The following ST6GAL1 variants were observed in gnomAD, a reference collection of about 807,000 sequenced individuals.
The protein encoded by ST6GAL1 is ST6 beta-galactoside alpha-2,6-sialyltransferase 1, also known as beta-galactoside alpha-2,6-sialyltransferase 1.
In ST6GAL1, 20 loss-of-function variants were observed where a neutral mutation model predicts 38.0. That is an observed-to-expected ratio of 0.53 (90% CI 0.37 to 0.77). The LOEUF (loss-of-function observed/expected upper bound fraction) is 0.77, where lower values mean the gene tolerates loss of function less well. ST6GAL1 is among the 30% of genes least tolerant of loss of function. The probability of loss-of-function intolerance (pLI) is 0.00; values close to 1 mark genes in which losing one functional copy is unlikely to be tolerated. For synonymous variants in ST6GAL1, 196 were observed against 188.2 expected, an observed-to-expected ratio of 1.04 and a Z score of -0.34; for missense variants, 432 against 496.4, an observed-to-expected ratio of 0.87 and a Z score of 1.23.
intron 2 of ST6GAL1, among the ~76,000 whole-genome samples, chr3:186,999,018 C>T (rs1236360018): frequency 6.6e-6 from 1 of 152,262 alleles, no homozygotes; most frequent in Admixed American, 6.5e-5. Context: ...CCCTCCTCTT[C>T]CCACTGTGGC....
Position 187,070,782 on chromosome 3 carries a change from G to A in ST6GAL1, c.706-2067G>A, listed in dbSNP as rs974290319. On this transcript the variant is annotated intron_variant, in intron 5 of 7. Coordinates refer to ENST00000169298, the MANE Select transcript of ST6GAL1 (RefSeq NM_173216.2). Reference sequence around the variant, plus strand: ...ACCTCTGTTGTTGCACCATCACAGCGTGTTAACCATTGTTCAATTGTCCAC... The same window carrying A: ...ACCTCTGTTGTTGCACCATCACAGCATGTTAACCATTGTTCAATTGTCCAC... Among the ~76,000 whole-genome samples, 4 of 152,070 alleles carry A rather than the reference G, an allele frequency of 2.6e-5. No homozygotes were observed. The East Asian group carries it at 5.8e-4, about 22-fold the overall frequency.
chr3:187,053,040 G>C (rs967179700), intron 5 of ST6GAL1, among the ~76,000 whole-genome samples: 3 of 152,298 alleles, frequency 2.0e-5, no homozygotes, highest in Non-Finnish European at 4.4e-5. Context: ...GCATTTCTCT[G>C]ATGACCAGTG....
chr3:187,019,390 T>C (rs1717220068), intron 2 of ST6GAL1, among the ~76,000 whole-genome samples: 1 of 152,214 alleles, frequency 6.6e-6, no homozygotes. Context: ...GCAAATAAAC[T>C]CACGTCTTAA....
intron 2 of ST6GAL1, among the ~76,000 whole-genome samples, chr3:187,018,663 G>A (rs1021307593): frequency 6.6e-6 from 1 of 152,150 alleles, no homozygotes; most frequent in Non-Finnish European, 1.5e-5. Context: ...CAGATTAAGG[G>A]TGGGTCTGCC....
intron 2 of ST6GAL1, among the ~76,000 whole-genome samples, chr3:186,998,732 A>T (rs1220876221): frequency 6.6e-6 from 1 of 152,216 alleles, no homozygotes; most frequent in Non-Finnish European, 1.5e-5. Context: ...ATTACGAATC[A>T]TACTTTCTAC....
In ST6GAL1 at chr3:186,939,927, G is replaced by T. The variant is rs181471076; in HGVS notation, c.-325+9093G>T. Among the ~76,000 whole-genome samples, 8 of 152,338 alleles carry T rather than the reference G, an allele frequency of 5.3e-5. No individual in the cohort carries two copies. The East Asian group carries it at 1.5e-3, about 29-fold the overall frequency. ...CTCTCTCACACCCCATCTATGGGAA[G>T]ACAGGGTCCCTTTTCTACCTCTGAC... On this transcript the variant is annotated intron_variant, in intron 1 of 7. Transcript: ENST00000169298.
At chr3:186,955,605 C>G (rs571205596) in intron 1 of ST6GAL1, among the ~76,000 whole-genome samples, 18 of 151,986 alleles carry the variant, frequency 1.2e-4, no homozygotes, top group Non-Finnish European at 2.4e-4. Flanking sequence ...CGGGTTCAAG[C>G]GATTCTCTTG....
chr3:187,074,343 T>G lies in ST6GAL1; in HGVS notation c.979+10T>G. ...TCCTCTGGGATGCTTGGTGAGTTCATGTCGGGGAAAAGACCTTGCATGTTT... is the reference window on the plus strand; with the variant it reads ...TCCTCTGGGATGCTTGGTGAGTTCAGGTCGGGGAAAAGACCTTGCATGTTT... On this transcript the variant is annotated intron_variant, in intron 7 of 7. Coordinates refer to ENST00000169298, the MANE Select transcript of ST6GAL1 (RefSeq NM_173216.2). The G allele has an allele frequency of 6.4e-7, 1 of 1,559,076 alleles. No homozygotes were observed. The highest frequency in any genetic ancestry group is 1.2e-5 in the South Asian group (1 of 80,568).
At chr3:187,015,740 G>A (rs765713208) in intron 2 of ST6GAL1, among the ~76,000 whole-genome samples, 5 of 152,280 alleles carry the variant, frequency 3.3e-5, no homozygotes, top group Admixed American at 6.5e-5. Context: ...TTGGGAGGCT[G>A]AGGTGGGAGG....
At chr3:186,953,081 C>G (rs1292275690) in intron 1 of ST6GAL1, among the ~76,000 whole-genome samples, 1 of 152,172 alleles carries the variant, frequency 6.6e-6, no homozygotes, top group Non-Finnish European at 1.5e-5. Flanking sequence ...TGTTCTTTCT[C>G]TTAGAATCGT....
At chr3:186,982,623 G>C (rs1184041359) in intron 2 of ST6GAL1, among the ~76,000 whole-genome samples, 1 of 152,018 alleles carries the variant, frequency 6.6e-6, no homozygotes, top group Non-Finnish European at 1.5e-5. Flanking sequence ...AACTAGGATG[G>C]GTTTATCCAG....
intron 6 of ST6GAL1, chr3:187,073,680 T>G (rs1161973681): frequency 6.5e-6 from 1 of 153,700 alleles, no homozygotes; most frequent in Non-Finnish European, 1.4e-5. Flanking sequence ...GATCTACCAA[T>G]GCCTGACAGG....
Position 186,952,867 on chromosome 3 carries a change from C to G in ST6GAL1, c.-324-10918C>G, listed in dbSNP as rs1373740303. 6.6e-6 allele frequency among the ~76,000 whole-genome samples: 1 copy of G among 152,206 alleles called. No individual in the cohort carries two copies. The highest frequency in any genetic ancestry group is 2.4e-5 in the African/African-American group (1 of 41,448). ...AGCCCAAAATCGAACTGCTGCTTTT[C>G]TCCCTAAAAGAGCCATCCTCATTTC... is the stretch of plus-strand genomic sequence containing the variant. On this transcript the variant is annotated intron_variant, in intron 1 of 7. Transcript: ENST00000169298. The surrounding 1 kb of genome is among the most constrained non-coding windows in gnomAD (Gnocchi z 4.1).
chr3:186,933,601 C>G (rs1174792878), intron 1 of ST6GAL1, among the ~76,000 whole-genome samples: 1 of 152,246 alleles, frequency 6.6e-6, no homozygotes, highest in Non-Finnish European at 1.5e-5. Flanking sequence ...CACCAGGACG[C>G]TGACCCTGTA....
At chr3:187,019,465 A>G (rs181657677) in intron 2 of ST6GAL1, among the ~76,000 whole-genome samples, 5 of 152,316 alleles carry the variant, frequency 3.3e-5, no homozygotes, top group Admixed American at 2.6e-4. Flanking sequence ...AACTAGTAAA[A>G]TGATCCCATC....
Position 187,043,155 on chromosome 3 carries a change from C to G in ST6GAL1, c.452C>G (p.Ser151Cys), listed in dbSNP as rs751485938. The G allele has an allele frequency of 6.2e-7, 1 of 1,614,214 alleles. No individual in the cohort carries two copies. The highest frequency in any genetic ancestry group is 8.5e-7 in the Non-Finnish European group (1 of 1,180,030). The part of the protein sequence containing the change: ...RCHLRDHVNV[S>C]MVEVTDFPFN... ...CACCTCCGGGACCATGTGAATGTAT[C>G]CATGGTAGAGGTCACAGATTTTCCC... Residue 151 changes from serine (S) to cysteine (C), a missense_variant, in exon 4 of 8, where the codon TCC becomes TGC. Transcript: ENST00000169298.
intron 4 of ST6GAL1, among the ~76,000 whole-genome samples, chr3:187,050,560 G>GAGAGAGAGAGAGAGAGAC (rs371144529): frequency 1.0e-4 from 15 of 149,706 alleles, no homozygotes; most frequent in Middle Eastern, 3.4e-3. Flanking sequence ...GAGAGAGAGA[G>GAGAGAGAGAGAGAGAGAC]GGAGGGAGGG....
chr3:187,048,566 C>A (rs890179806), intron 4 of ST6GAL1, among the ~76,000 whole-genome samples: 13 of 152,168 alleles, frequency 8.5e-5, no homozygotes, highest in Non-Finnish European at 1.8e-4. Flanking sequence ...GTGTTTGTCA[C>A]AATCCGAAAT....
intron 5 of ST6GAL1, chr3:187,064,671 TC>T: frequency 2.2e-6 from 1 of 454,926 alleles, no homozygotes; most frequent in South Asian, 1.6e-5. Flanking sequence ...ATCTGGCTGT[TC>T]CTTTCGTACT....
Sources: allele counts gnomAD v4.1 joint callset (sites outside exome capture counted in the v4.1 genomes callset), GRCh38; gene constraint gnomAD v4.1.1; non-coding constraint Gnocchi (gnomAD v3.1); transcripts MANE v1.5; gene names NCBI Gene and HGNC (gene_info 2026-07-23, HGNC 2026-07-21).